The following GNAQ variants were observed in gnomAD, a reference collection of about 807,000 sequenced individuals.
The protein encoded by GNAQ is guanine nucleotide-binding protein G(q) subunit alpha.
GNAQ carries 8 observed loss-of-function variants against 43.9 expected under a neutral mutation model. That is an observed-to-expected ratio of 0.18 (90% CI 0.11 to 0.33). GNAQ has a LOEUF of 0.33. Ranked by LOEUF, GNAQ falls within the 10% of genes least tolerant of loss-of-function variation. GNAQ has a pLI of 1.00. For synonymous variants in GNAQ, 155 were observed against 170.7 expected, an observed-to-expected ratio of 0.91 and a Z score of 0.71; for missense variants, 158 against 450.8, an observed-to-expected ratio of 0.35 and a Z score of 5.88.
chr9:77,863,220 G>GGAAGGAAGGAAGGAAGAAAGGA (rs1564133751), intron 2 of GNAQ, among the ~76,000 whole-genome samples: 2 of 34,264 alleles, frequency 5.8e-5, no homozygotes, highest in African/African-American at 1.1e-4. Flanking sequence ...GGAAGGAAGG[G>GGAAGGAAGGAAGGAAGAAAGGA]AGGAAGGAAG....
At chr9:77,744,181 C>A (rs1825696052) in intron 5 of GNAQ, among the ~76,000 whole-genome samples, 1 of 152,184 alleles carries the variant, frequency 6.6e-6, no homozygotes, top group East Asian at 1.9e-4. Context: ...CTTGTGTTTG[C>A]AGTTAGTGGC....
chr9:77,998,303 T>A (rs933575808), intron 1 of GNAQ, among the ~76,000 whole-genome samples: 3 of 152,232 alleles, frequency 2.0e-5, no homozygotes, highest in African/African-American at 4.8e-5. Flanking sequence ...GCAGCATTTT[T>A]AAAAATATAA....
chr9:77,770,429 C>T (rs1826205673), intron 5 of GNAQ, among the ~76,000 whole-genome samples: 1 of 152,132 alleles, frequency 6.6e-6, no homozygotes, highest in African/African-American at 2.4e-5. Flanking sequence ...CCAGAAAACT[C>T]GAGGCCAGTG....
chr9:77,833,223 C>G lies in GNAQ; in HGVS notation c.322-17453G>C, dbSNP rs1380540906. On this transcript the variant is annotated intron_variant, in intron 2 of 6. Transcript: ENST00000286548. ...CCTCAAGTGATCCACCTGCCTCAGC[C>G]TCCCAAAGTGCTGGGATTACAGGCG... 2.0e-5 allele frequency among the ~76,000 whole-genome samples: 3 copies of G among 152,220 alleles called. No individual in the cohort carries two copies. In the East Asian group the frequency reaches 5.8e-4, roughly 29 times the overall value.
intron 2 of GNAQ, among the ~76,000 whole-genome samples, chr9:77,912,457 A>C (rs1056233274): frequency 2.0e-5 from 3 of 152,222 alleles, no homozygotes; most frequent in Non-Finnish European, 4.4e-5. Flanking sequence ...ACTTCGAAGA[A>C]AATCCAGCAA....
chr9:77,722,573 C>T (rs1007392328), intron 6 of GNAQ, among the ~76,000 whole-genome samples: 46 of 151,710 alleles, frequency 3.0e-4, no homozygotes, highest in African/African-American at 1.1e-3. Context: ...AGATATGACA[C>T]CACAGCACAG....
intron 1 of GNAQ, among the ~76,000 whole-genome samples, chr9:77,960,602 G>A (rs1334962078): frequency 6.6e-6 from 1 of 152,154 alleles, no homozygotes; most frequent in African/African-American, 2.4e-5. Context: ...TTAACTCTAG[G>A]AATTAGCTAG....
At chr9:78,021,954 C>A (rs540499203) in intron 1 of GNAQ, among the ~76,000 whole-genome samples, 12 of 152,310 alleles carry the variant, frequency 7.9e-5, no homozygotes, top group Middle Eastern at 6.8e-3. Context: ...CTGCAGGAAG[C>A]AAGAGACCCA....
intron 5 of GNAQ, among the ~76,000 whole-genome samples, chr9:77,764,418 C>T (rs1036533029): frequency 2.6e-5 from 4 of 151,966 alleles, no homozygotes; most frequent in Admixed American, 2.0e-4. Context: ...TAAAGCTATA[C>T]TAAGCTGGAC....
intron 2 of GNAQ, among the ~76,000 whole-genome samples, chr9:77,827,964 G>A (rs1827228619): frequency 6.8e-6 from 1 of 148,134 alleles, no homozygotes. Flanking sequence ...GGAGGCTGAG[G>A]CAGGAGAATG....
At chr9:77,907,080 T>C (rs570076948) in intron 2 of GNAQ, among the ~76,000 whole-genome samples, 7 of 152,346 alleles carry the variant, frequency 4.6e-5, no homozygotes, top group African/African-American at 1.7e-4. Flanking sequence ...CTAGTATTTA[T>C]AGAAACAAGC....
At chr9:78,016,318 T>C (rs1160982320) in intron 1 of GNAQ, among the ~76,000 whole-genome samples, 3 of 152,216 alleles carry the variant, frequency 2.0e-5, no homozygotes, top group Non-Finnish European at 2.9e-5. Flanking sequence ...ATCAGTTCTG[T>C]TCTTTTCCCC....
At chr9:77,831,903 T>C (rs190816526) in intron 2 of GNAQ, among the ~76,000 whole-genome samples, 1 of 152,320 alleles carries the variant, frequency 6.6e-6, no homozygotes, top group Admixed American at 6.5e-5. Flanking sequence ...CAGAGTCTCA[T>C]GTGACCTAAA....
chr9:78,029,273 C>A (rs2118625190), intron 1 of GNAQ, among the ~76,000 whole-genome samples: 1 of 152,124 alleles, frequency 6.6e-6, no homozygotes, highest in East Asian at 1.9e-4. Context: ...GAAACAAAGA[C>A]TGTCAACAGG....
At chr9:77,929,146 T>TCAGCAAGTTACTTTGAGCCAATCTG (rs1829111735) in intron 1 of GNAQ, among the ~76,000 whole-genome samples, 1 of 152,242 alleles carries the variant, frequency 6.6e-6, no homozygotes, top group Non-Finnish European at 1.5e-5. Flanking sequence ...TAAAACTTGT[T>TCAGCAAGTTACTTTGAGCCAATCTG]CAGCAAGTTA....
At chr9:77,765,707 C>T (rs555311638) in intron 5 of GNAQ, among the ~76,000 whole-genome samples, 1 of 152,280 alleles carries the variant, frequency 6.6e-6, no homozygotes, top group African/African-American at 2.4e-5. Context: ...GGCAATTCAT[C>T]AAAAAGTAAA....
At chr9:77,929,162 A>G (rs915162201) in intron 1 of GNAQ, among the ~76,000 whole-genome samples, 1 of 152,204 alleles carries the variant, frequency 6.6e-6, no homozygotes, top group Non-Finnish European at 1.5e-5. Flanking sequence ...AGTTACTTTG[A>G]GCCAATCTGC....
intron 1 of GNAQ, among the ~76,000 whole-genome samples, chr9:77,971,949 CTGTT>C (rs201189133): frequency 0.011 from 1,612 of 152,228 alleles, 18 homozygotes; most frequent in African/African-American, 0.036. Flanking sequence ...ACTTGACTCT[CTGTT>C]TGTGTGTTAT....
At chr9:77,998,219 A>G (rs777976657) in intron 1 of GNAQ, among the ~76,000 whole-genome samples, 3 of 152,208 alleles carry the variant, frequency 2.0e-5, no homozygotes, top group African/African-American at 2.4e-5. Flanking sequence ...ATACACTCAC[A>G]GTTCACCCGC....
Sources: gnomAD v4.1 joint callset for allele counts (sites outside exome capture counted in the v4.1 genomes callset) on GRCh38, gnomAD v4.1.1 for gene constraint, MANE v1.5 for transcripts, NCBI Gene and HGNC (gene_info 2026-07-23, HGNC 2026-07-21) for gene names.